RORA: variants seen among roughly 807,000 people sequenced by gnomAD.
The protein encoded by RORA is nuclear receptor ROR-alpha.
RORA carries 7 observed loss-of-function variants against 69.5 expected under a neutral mutation model. The ratio of observed to expected loss-of-function variants is 0.10; its 90% CI spans 0.06 to 0.19. The LOEUF (loss-of-function observed/expected upper bound fraction) is 0.19, where lower values mean the gene tolerates loss of function less well. Ranked by LOEUF, RORA falls within the 10% of genes least tolerant of loss-of-function variation. RORA has a pLI of 1.00. For missense variants in RORA, 457 were observed against 663.0 expected, an observed-to-expected ratio of 0.69 and a Z score of 3.41; for synonymous variants, 261 against 240.8, an observed-to-expected ratio of 1.08 and a Z score of -0.78.
At chr15:60,587,007 G>A (rs200041254) in intron 2 of RORA, among the ~76,000 whole-genome samples, 3 of 152,144 alleles carry the variant, frequency 2.0e-5, no homozygotes, top group Admixed American at 6.6e-5. Context: ...TCACAAGCAC[G>A]AGAATTCGTA....
chr15:60,715,860 T>TA (rs1463169157), intron 1 of RORA, among the ~76,000 whole-genome samples: 1 of 152,178 alleles, frequency 6.6e-6, no homozygotes, highest in African/African-American at 2.4e-5. Context: ...TCATCAGTCT[T>TA]AAAATTCACA....
At chr15:60,968,055 A>C (rs976183517) in intron 1 of RORA, among the ~76,000 whole-genome samples, 11 of 152,356 alleles carry the variant, frequency 7.2e-5, no homozygotes, top group African/African-American at 2.6e-4. Context: ...CCCTCAATTC[A>C]TTCGATAAGC....
intron 1 of RORA, among the ~76,000 whole-genome samples, chr15:61,189,434 C>T (rs953153571): frequency 2.0e-5 from 3 of 152,136 alleles, no homozygotes; most frequent in African/African-American, 4.8e-5. Flanking sequence ...TGGTTTCCCA[C>T]CTCCTAGCTG....
chr15:61,053,857 A>ATATATATG lies in RORA; in HGVS notation c.166+175195_166+175196insCATATATA, dbSNP rs1030436393. On this transcript the variant is annotated intron_variant, in intron 1 of 10. Transcript: ENST00000335670. ...AGTGTTTAGACTTCATGATATATAT[A>ATATATATG]TATATAAACATTCTTCAGGGAGGGT... Among the ~76,000 whole-genome samples the ATATATATG allele has an allele frequency of 6.5e-5, 9 of 138,354 alleles. 2 individuals carry two copies. Among genetic ancestry groups the ATATATATG allele is most frequent in the South Asian group, 2.4e-4 (1 of 4,184 alleles). 90.8% of individuals were successfully genotyped at this position (138,354 alleles called of 152,430 possible). A position where few individuals can be genotyped will look rare whatever the true frequency, so the allele number is the denominator to read the frequency against.
intron 1 of RORA, among the ~76,000 whole-genome samples, chr15:60,975,669 A>G (rs1388712915): frequency 2.0e-5 from 3 of 152,150 alleles, no homozygotes; most frequent in Non-Finnish European, 4.4e-5. Flanking sequence ...CTCTCCAGGA[A>G]GTGAAGGTAA....
chr15:60,586,455 GGT>G (rs146340386), intron 2 of RORA, among the ~76,000 whole-genome samples: 10 of 150,176 alleles, frequency 6.7e-5, no homozygotes, highest in African/African-American at 1.2e-4. Context: ...GTATTAGAGG[GGT>G]GTGTGTGTGT....
At chr15:61,167,191 G>A (rs1160504078) in intron 1 of RORA, among the ~76,000 whole-genome samples, 3 of 152,190 alleles carry the variant, frequency 2.0e-5, no homozygotes, top group African/African-American at 4.8e-5. Flanking sequence ...GTACTCAGCA[G>A]TTAAGTCTCT....
At chr15:60,977,240 A>T (rs988207614) in intron 1 of RORA, among the ~76,000 whole-genome samples, 18 of 152,002 alleles carry the variant, frequency 1.2e-4, no homozygotes, top group African/African-American at 4.3e-4. Context: ...ACTGGTGGGG[A>T]GGGGGTCGTA....
intron 1 of RORA, among the ~76,000 whole-genome samples, chr15:60,832,600 T>C (rs1240423891): frequency 4.6e-5 from 7 of 152,264 alleles, no homozygotes; most frequent in African/African-American, 1.7e-4. Flanking sequence ...GTTTGTAGCA[T>C]ACTCTTAGAC....
At position 60,759,660 on chromosome 15, in the gene RORA, G is replaced by A. The variant is rs191367503; in HGVS notation, c.167-80974C>T. On this transcript the variant is annotated intron_variant, in intron 1 of 10. Transcript: ENST00000335670. ...TCTGCCTCTAATGTAATCTGACATCGTCCCTACTCTCTGATTAACCACTTT... is the reference window on the plus strand; with the variant it reads ...TCTGCCTCTAATGTAATCTGACATCATCCCTACTCTCTGATTAACCACTTT... 1.1e-4 allele frequency among the ~76,000 whole-genome samples: 17 copies of A among 152,196 alleles called. No homozygotes were observed. The East Asian group carries it at 1.2e-3, about 10-fold the overall frequency.
intron 1 of RORA, among the ~76,000 whole-genome samples, chr15:60,943,412 T>G (rs1382658555): frequency 1.3e-5 from 2 of 152,062 alleles, no homozygotes; most frequent in African/African-American, 4.8e-5. Flanking sequence ...CTCTTGTTCT[T>G]TGCTGTATCA....
At chr15:60,702,474 C>T (rs994732943) in intron 1 of RORA, among the ~76,000 whole-genome samples, 2 of 152,086 alleles carry the variant, frequency 1.3e-5, no homozygotes, top group African/African-American at 4.8e-5. Context: ...TCAAGTGATC[C>T]GCCCGCCTCG....
At chr15:60,941,947 G>A (rs1299896102) in intron 1 of RORA, among the ~76,000 whole-genome samples, 1 of 152,158 alleles carries the variant, frequency 6.6e-6, no homozygotes, top group East Asian at 1.9e-4. Context: ...GTTGATCTTT[G>A]CATTACCCAC....
intron 1 of RORA, among the ~76,000 whole-genome samples, chr15:60,938,104 T>C (rs932420416): frequency 1.3e-5 from 2 of 152,152 alleles, no homozygotes; most frequent in Non-Finnish European, 2.9e-5. Context: ...CACAAGCTAA[T>C]GTTGCCCTAA....
At chr15:60,630,160 G>C (rs999445284) in intron 2 of RORA, among the ~76,000 whole-genome samples, 1 of 152,220 alleles carries the variant, frequency 6.6e-6, no homozygotes, top group African/African-American at 2.4e-5. Flanking sequence ...TCCACCATGA[G>C]TTCTACACTG....
chr15:60,620,735 C>T (rs1362654047), intron 2 of RORA, among the ~76,000 whole-genome samples: 1 of 152,352 alleles, frequency 6.6e-6, no homozygotes. Context: ...GCCACAAACT[C>T]GTTTGGCTGG....
intron 1 of RORA, among the ~76,000 whole-genome samples, chr15:60,989,768 C>A (rs1894317340): frequency 6.6e-6 from 1 of 151,896 alleles, no homozygotes; most frequent in Non-Finnish European, 1.5e-5. Flanking sequence ...CTTAGAACTT[C>A]TCTGGCTAAA....
chr15:61,097,234 G>C (rs1362322087), intron 1 of RORA, among the ~76,000 whole-genome samples: 1 of 152,168 alleles, frequency 6.6e-6, no homozygotes, highest in Non-Finnish European at 1.5e-5. Context: ...TGAAAGGAGG[G>C]AGGAGCCTGT....
chr15:60,562,892 TTAAATA>T (rs927868528), intron 2 of RORA, among the ~76,000 whole-genome samples: 1 of 152,168 alleles, frequency 6.6e-6, no homozygotes, highest in African/African-American at 2.4e-5. Context: ...CTTATGTTAT[TTAAATA>T]TAAATTCTTG....
Sources: allele counts gnomAD v4.1 joint callset (sites outside exome capture counted in the v4.1 genomes callset), GRCh38; gene constraint gnomAD v4.1.1; transcripts MANE v1.5; gene names NCBI Gene and HGNC (gene_info 2026-07-23, HGNC 2026-07-21).